The following GPHN variants were observed in gnomAD, a reference collection of about 807,000 sequenced individuals.
The protein encoded by GPHN is gephyrin.
GPHN carries 17 observed loss-of-function variants against 95.5 expected under a neutral mutation model. The ratio of observed to expected loss-of-function variants is 0.18; its 90% confidence interval spans 0.12 to 0.27. The LOEUF is 0.27. Among genes scored for constraint, GPHN ranks in the 10% least tolerant of loss-of-function variants. GPHN has a pLI of 1.00. For synonymous variants in GPHN, 320 were observed against 322.5 expected (o/e 0.99, Z 0.08); for missense variants, 660 against 978.1 (o/e 0.67, Z 4.34).
chr14:66,689,178 C>T (rs1404914066), intron 2 of GPHN, among the ~76,000 whole-genome samples: 1 of 152,044 alleles, frequency 6.6e-6, no homozygotes, highest in East Asian at 1.9e-4. Flanking sequence ...TGTGGGTTTA[C>T]TGTATATGGC....
At chr14:66,763,241 T>A (rs891348570) in intron 2 of GPHN, among the ~76,000 whole-genome samples, 39 of 150,930 alleles carry the variant, frequency 2.6e-4, no homozygotes, top group African/African-American at 8.0e-4. Context: ...TTTTTCTTTT[T>A]TTATTATTAT....
At chr14:67,202,607 T>A in the GPHN span, among the ~76,000 whole-genome samples, 1 of 152,230 alleles carries the variant, frequency 6.6e-6, no homozygotes, top group Non-Finnish European at 1.5e-5. Flanking sequence ...GTTTGTGGAA[T>A]TTATTAATTG....
chr14:67,646,256 G>A, the GPHN span, among the ~76,000 whole-genome samples: 1 of 152,184 alleles, frequency 6.6e-6, no homozygotes. Flanking sequence ...TTCATTGGGC[G>A]GAAGTCCTGT....
At chr14:66,644,866 T>C (rs1281150382) in intron 1 of GPHN, among the ~76,000 whole-genome samples, 2 of 152,128 alleles carry the variant, frequency 1.3e-5, no homozygotes, top group Non-Finnish European at 2.9e-5. Context: ...ATGATTATAT[T>C]TAAATAGTAA....
chr14:66,691,800 A>G (rs923889264), intron 2 of GPHN, among the ~76,000 whole-genome samples: 7 of 152,172 alleles, frequency 4.6e-5, no homozygotes, highest in Non-Finnish European at 1.0e-4. Flanking sequence ...ACACTGGGAG[A>G]TTTTCAGAAC....
chr14:66,747,503 G>A lies in GPHN; in HGVS notation c.144-28961G>A, dbSNP rs115587816. Among the ~76,000 whole-genome samples the A allele has an allele frequency of 2.8e-3, 420 of 151,716 alleles. 9 individuals carry two copies. Among genetic ancestry groups the A allele is most frequent in the East Asian group, 0.019 (97 of 5,160 alleles). ...TTTATTCACTCCACAGAAATTAAACGAGTACTGACTCTTGGCCTGGGATTG... is the reference window on the plus strand; with the variant it reads ...TTTATTCACTCCACAGAAATTAAACAAGTACTGACTCTTGGCCTGGGATTG... On this transcript the variant is annotated intron_variant, in intron 2 of 22. Transcript: ENST00000478722.
chr14:66,697,741 G>T (rs1402383566), intron 2 of GPHN, among the ~76,000 whole-genome samples: 1 of 148,648 alleles, frequency 6.7e-6, no homozygotes, highest in Non-Finnish European at 1.5e-5. Context: ...AGGCTGGAGT[G>T]CAGTGGTGCA....
At chr14:67,177,262 A>T (rs2083038208) in intron 21 of GPHN, among the ~76,000 whole-genome samples, 2 of 152,168 alleles carry the variant, frequency 1.3e-5, no homozygotes, top group Admixed American at 1.3e-4. Context: ...TGTCCCAAAG[A>T]TTCTGGTATG....
the GPHN span, among the ~76,000 whole-genome samples, chr14:67,304,486 G>A: frequency 6.6e-6 from 1 of 152,170 alleles, no homozygotes; most frequent in Admixed American, 6.5e-5. Flanking sequence ...ACTGATATAT[G>A]CTACAACATG....
rs1296766603 is a variant in GPHN, at chr14:67,100,802, TC to T, written c.1238-52del. ...TAGAATTCCAATTTTAGGTTCTTGT[TC>T]CATGCTGTAGGTCCATACTGATGTT... is the stretch of plus-strand genomic sequence containing the variant. On this transcript the variant is annotated intron_variant, in intron 12 of 22. Transcript: ENST00000478722. The T allele has an allele frequency of 1.6e-5, 18 of 1,140,474 alleles. No homozygotes were observed. In the Admixed American group the frequency reaches 3.0e-4, roughly 19 times the overall value. 70.6% of individuals were successfully genotyped at this position (1,140,474 alleles called of 1,614,324 possible). A position where few individuals can be genotyped will look rare whatever the true frequency, so the allele number is the denominator to read the frequency against.
rs575360291 is a variant in GPHN, at chr14:67,025,636, A to G, written c.1006+1961A>G. ...AATATCCCAAATAAATTGAGATTCCAAAAGTACTTCCATAAGAAATTCCTT... is the reference window on the plus strand; with the variant it reads ...AATATCCCAAATAAATTGAGATTCCGAAAGTACTTCCATAAGAAATTCCTT... On this transcript the variant is annotated intron_variant, in intron 10 of 22. Transcript: ENST00000478722. 4.6e-5 allele frequency among the ~76,000 whole-genome samples: 7 copies of G among 152,376 alleles called. No individual in the cohort carries two copies. The South Asian group carries it at 1.4e-3, about 32-fold the overall frequency.
At chr14:66,902,187 A>G (rs2065154390) in intron 5 of GPHN, among the ~76,000 whole-genome samples, 1 of 152,044 alleles carries the variant, frequency 6.6e-6, no homozygotes, top group African/African-American at 2.4e-5. Flanking sequence ...CTATTGGTAT[A>G]TAGAAATGCT....
rs140431625 is a variant in GPHN, at chr14:67,115,892, T to C, written c.1626+2721T>C. ...CTTGCCCCAGTATTTTATTACTGTA[T>C]GAGCTTGTTAAGGACCAGCAAATTA... is the stretch of plus-strand genomic sequence containing the variant. On this transcript the variant is annotated intron_variant, in intron 16 of 22. Coordinates refer to ENST00000478722, the MANE Select transcript of GPHN (RefSeq NM_020806.5). Among the ~76,000 whole-genome samples the C allele has an allele frequency of 7.3e-3, 1,119 of 152,356 alleles. 4 individuals are homozygous for C. The highest frequency in any genetic ancestry group is 0.01 in the Admixed American group (154 of 15,308).
chr14:66,759,005 TGATAG>T (rs1311973219), intron 2 of GPHN, among the ~76,000 whole-genome samples: 3 of 152,230 alleles, frequency 2.0e-5, no homozygotes, highest in Non-Finnish European at 4.4e-5. Flanking sequence ...AAACAAATCA[TGATAG>T]GACTGAGTTG....
chr14:67,421,516 C>T, the GPHN span, among the ~76,000 whole-genome samples: 4 of 152,156 alleles, frequency 2.6e-5, no homozygotes, highest in African/African-American at 9.7e-5. Flanking sequence ...GCTCCTCCTT[C>T]TGGGCCATCT....
the GPHN span, chr14:67,221,773 T>C: frequency 6.2e-7 from 1 of 1,613,342 alleles, no homozygotes; most frequent in East Asian, 2.2e-5. Context: ...CTATTTATTT[T>C]TACAGGAGCT....
chr14:67,449,752 G>A, the GPHN span, among the ~76,000 whole-genome samples: 18 of 152,224 alleles, frequency 1.2e-4, 1 homozygote, highest in South Asian at 1.0e-3. Flanking sequence ...GGTATTTCTC[G>A]TGCTGTTCTT....
chr14:66,592,513 G>T (rs8021582), intron 1 of GPHN, among the ~76,000 whole-genome samples: 13 of 150,230 alleles, frequency 8.7e-5, no homozygotes, highest in African/African-American at 3.1e-4. Flanking sequence ...ATATTTCCCA[G>T]AAGAAGACAT....
At chr14:66,613,951 C>T (rs887578781) in intron 1 of GPHN, among the ~76,000 whole-genome samples, 4 of 152,108 alleles carry the variant, frequency 2.6e-5, no homozygotes, top group African/African-American at 4.8e-5. Context: ...TTGTAGCACT[C>T]ATTTGATTTT....
Sources: allele counts gnomAD v4.1 joint callset (sites outside exome capture counted in the v4.1 genomes callset), GRCh38; gene constraint gnomAD v4.1.1; transcripts MANE v1.5; gene names NCBI Gene and HGNC (gene_info 2026-07-23, HGNC 2026-07-21).